Variants in ACVR2A observed in about 807,000 individuals in gnomAD.
ACVR2A encodes activin receptor type-2A.
ACVR2A carries 7 observed loss-of-function variants against 61.4 expected under a neutral mutation model. That is an observed-to-expected ratio of 0.11 (90% CI 0.06 to 0.21). ACVR2A has a LOEUF of 0.21. Among genes scored for constraint, ACVR2A ranks in the 10% least tolerant of loss-of-function variants. ACVR2A has a pLI of 1.00. For synonymous variants in ACVR2A, 193 were observed against 208.3 expected, an observed-to-expected ratio of 0.93 and a Z score of 0.63; for missense variants, 322 against 621.7, an observed-to-expected ratio of 0.52 and a Z score of 5.13.
chr2:147,892,704 A>T (rs1176914156), intron 1 of ACVR2A, among the ~76,000 whole-genome samples: 1 of 152,006 alleles, frequency 6.6e-6, no homozygotes, highest in East Asian at 1.9e-4. Flanking sequence ...GGATTATTGT[A>T]TCTGTTTCTC....
chr2:147,899,030 T>TA (rs1360097644), intron 2 of ACVR2A, among the ~76,000 whole-genome samples: 1 of 152,160 alleles, frequency 6.6e-6, no homozygotes, highest in African/African-American at 2.4e-5. Flanking sequence ...TACACACACA[T>TA]ACACAGTTTT....
At chr2:147,925,373 A>G (rs563161494) in intron 9 of ACVR2A, among the ~76,000 whole-genome samples, 152 of 152,104 alleles carry the variant, frequency 1.0e-3, no homozygotes, top group Non-Finnish European at 1.9e-3. Flanking sequence ...ACAATTTTCT[A>G]TTTATCTGAG....
intron 4 of ACVR2A, among the ~76,000 whole-genome samples, chr2:147,907,845 G>C (rs1173133278): frequency 6.6e-6 from 1 of 151,848 alleles, no homozygotes; most frequent in East Asian, 1.9e-4. Flanking sequence ...GGCCAACATG[G>C]GAAAACAACA....
chr2:147,873,713 A>C (rs1037799762), intron 1 of ACVR2A, among the ~76,000 whole-genome samples: 2 of 151,994 alleles, frequency 1.3e-5, no homozygotes, highest in Non-Finnish European at 1.5e-5. Flanking sequence ...CCATTTGGAA[A>C]ATGAGAATGG....
chr2:147,881,882 AT>A (rs1300208637), intron 1 of ACVR2A, among the ~76,000 whole-genome samples: 2 of 152,248 alleles, frequency 1.3e-5, no homozygotes, highest in East Asian at 3.9e-4. Flanking sequence ...GGTTTAAGAA[AT>A]TTAAGTCCTC....
Position 147,927,268 on chromosome 2 carries a change from TC to T in ACVR2A, c.1537del (p.Leu513TyrfsTer10), listed in dbSNP as rs757644771. The T allele has an allele frequency of 8.1e-6, 13 of 1,610,172 alleles. No homozygotes were observed. Among genetic ancestry groups the T allele is most frequent in the Non-Finnish European group, 1.1e-5 (13 of 1,177,848 alleles). On this transcript the variant is annotated frameshift_variant, in exon 11 of 11. Coordinates refer to ENST00000241416, the MANE Select transcript of ACVR2A (RefSeq NM_001616.5). LOFTEE classifies it high-confidence loss of function. ...TTGACTTTCCTCCCAAAGAATCTAG[TC>T]TATGATGGTTGCGCCATCTGTGCAC... ...NVDFPPKESS[L>X] is the part of the protein sequence containing the mutation.
At chr2:147,881,600 T>TGTGTG (rs1325584960) in intron 1 of ACVR2A, among the ~76,000 whole-genome samples, 1 of 116,226 alleles carries the variant, frequency 8.6e-6, no homozygotes, top group East Asian at 2.6e-4. Context: ...AAGAAGCTGC[T>TGTGTG]TAGTGTGTGT....
chr2:147,921,292 C>T (rs1687375544), intron 8 of ACVR2A, among the ~76,000 whole-genome samples: 1 of 152,164 alleles, frequency 6.6e-6, no homozygotes, highest in Admixed American at 6.5e-5. Flanking sequence ...ACCTCGGCCT[C>T]CCAAAGTGCT....
intron 4 of ACVR2A, among the ~76,000 whole-genome samples, chr2:147,910,269 C>A (rs555938149): frequency 5.9e-5 from 9 of 152,134 alleles, no homozygotes; most frequent in African/African-American, 2.2e-4. Context: ...ATGGATAGCA[C>A]CTACTTGCAC....
At chr2:147,870,112 G>A (rs1337367728) in intron 1 of ACVR2A, among the ~76,000 whole-genome samples, 4 of 151,750 alleles carry the variant, frequency 2.6e-5, no homozygotes, top group African/African-American at 9.7e-5. Context: ...GGGATGTGAA[G>A]GTGTTGTCAG....
At chr2:147,920,178 T>C in intron 7 of ACVR2A, 52 bp from the exon 8 acceptor site, 1 of 1,267,260 alleles carries the variant, frequency 7.9e-7, no homozygotes, top group Non-Finnish European at 1.1e-6. Flanking sequence ...AATAAAAAAT[T>C]TAAAAAGGTA....
At chr2:147,876,147 A>G (rs1199048581) in intron 1 of ACVR2A, among the ~76,000 whole-genome samples, 1 of 152,146 alleles carries the variant, frequency 6.6e-6, no homozygotes, top group Non-Finnish European at 1.5e-5. Flanking sequence ...AAAGCATTAA[A>G]TGATACTGGC....
intron 1 of ACVR2A, among the ~76,000 whole-genome samples, chr2:147,846,916 A>T (rs1470878766): frequency 2.0e-5 from 3 of 152,144 alleles, no homozygotes; most frequent in East Asian, 3.9e-4. Flanking sequence ...TCCCTCTCAA[A>T]CCCACCTGAG....
At chr2:147,891,146 C>G (rs1686572540) in intron 1 of ACVR2A, among the ~76,000 whole-genome samples, 1 of 152,138 alleles carries the variant, frequency 6.6e-6, no homozygotes, top group African/African-American at 2.4e-5. Flanking sequence ...CAAAATCTTT[C>G]TTGGTATAGT....
intron 5 of ACVR2A, 22 bp downstream of exon 5, chr2:147,915,356 C>A: frequency 1.2e-6 from 2 of 1,609,666 alleles, no homozygotes; most frequent in South Asian, 2.2e-5. Flanking sequence ...GCAGTTTTGT[C>A]ATCTTACATA....
At chr2:147,914,679 T>A (rs1218362780) in intron 4 of ACVR2A, among the ~76,000 whole-genome samples, 1 of 151,996 alleles carries the variant, frequency 6.6e-6, no homozygotes, top group Non-Finnish European at 1.5e-5. Context: ...TATACCTATC[T>A]GCAATGTGTT....
chr2:147,879,860 A>T (rs1686254417), intron 1 of ACVR2A, among the ~76,000 whole-genome samples: 1 of 152,188 alleles, frequency 6.6e-6, no homozygotes, highest in Admixed American at 6.5e-5. Context: ...CCAGGGAGAG[A>T]TGTTGGTGAC....
Position 147,912,035 on chromosome 2 carries a change from C to T in ACVR2A, c.529-3156C>T, listed in dbSNP as rs563508464. The stretch of plus-strand genomic sequence containing the variant: ...AAATGAACTAGCTACAGGAGTATAA[C>T]TTTTGATGATATTTTGCTATCTGAG... On this transcript the variant is annotated intron_variant, in intron 4 of 10. Coordinates refer to ENST00000241416, the MANE Select transcript of ACVR2A (RefSeq NM_001616.5). Among the ~76,000 whole-genome samples, 308 of 151,980 alleles carry T rather than the reference C, an allele frequency of 2.0e-3. 1 individual carries two copies. Among genetic ancestry groups the T allele is most frequent in the Non-Finnish European group, 3.7e-3 (250 of 67,874 alleles).
Position 147,857,900 on chromosome 2 carries a change from G to A in ACVR2A, c.55+12693G>A, listed in dbSNP as rs1381323358. Among the ~76,000 whole-genome samples the A allele has an allele frequency of 2.6e-5, 4 of 152,048 alleles. No individual in the cohort carries two copies. The East Asian group carries it at 7.7e-4, about 29-fold the overall frequency. ...ACATAGGTAAACTTGTGTCATGGGG[G>A]TTTGTTTTATGGATTATTTTATCAC... On this transcript the variant is annotated intron_variant, in intron 1 of 10. Transcript: ENST00000241416.
Sources: gnomAD v4.1 joint callset for allele counts (sites outside exome capture counted in the v4.1 genomes callset) on GRCh38, gnomAD v4.1.1 for gene constraint, MANE v1.5 for transcripts, NCBI Gene and HGNC (gene_info 2026-07-23, HGNC 2026-07-21) for gene names.